INF2: variants seen among roughly 807,000 people sequenced by gnomAD.
INF2 encodes the protein inverted formin 2, also known as inverted formin-2.
INF2 carries 43 observed loss-of-function variants against 123.5 expected under a neutral mutation model. The ratio of observed to expected loss-of-function variants is 0.35; its 90% CI spans 0.27 to 0.45. The LOEUF (loss-of-function observed/expected upper bound fraction) is 0.45. INF2 is among the 20% of genes least tolerant of loss of function. The probability of loss-of-function intolerance (pLI) is 1.00; values close to 1 mark genes in which losing one functional copy is unlikely to be tolerated. For missense variants in INF2, 1,453 were observed against 1,682.7 expected, an observed-to-expected ratio of 0.86 and a Z score of 2.39; for synonymous variants, 851 against 745.0, an observed-to-expected ratio of 1.14 and a Z score of -2.32.
At chr14:104,683,126 C>T (rs73356774) in intron 1 of INF2, among the ~76,000 whole-genome samples, 3,891 of 140,878 alleles carry the variant, frequency 0.028, 2 homozygotes, top group African/African-American at 0.049. Context: ...ACCCAAGGAG[C>T]AGCAAAGGTC....
chr14:104,692,838 C>T (rs975179299), intron 1 of INF2, among the ~76,000 whole-genome samples: 2 of 152,254 alleles, frequency 1.3e-5, no homozygotes, highest in Non-Finnish European at 1.5e-5. Context: ...TTTCCTCTTT[C>T]GCCTGCAGCT....
chr14:104,705,947 C>A, intron 5 of INF2, 88 bp from the exon 6 acceptor site: 1 of 1,522,484 alleles, frequency 6.6e-7, no homozygotes, highest in Non-Finnish European at 8.9e-7. Context: ...CTGAGCGGGG[C>A]TGGTACACTG....
At chr14:104,711,231 C>A (rs369097477) in intron 15 of INF2, 45 bp downstream of exon 15, 2 of 1,477,390 alleles carry the variant, frequency 1.4e-6, no homozygotes, top group East Asian at 4.9e-5. Context: ...TTCAAGTCCC[C>A]CCGGACCTGG....
Position 104,712,866 on chromosome 14 carries a change from T to C in INF2, c.2649T>C (p.Phe883=), listed in dbSNP as rs576821995. 1 of 1,612,626 alleles carries C rather than the reference T, an allele frequency of 6.2e-7. No individual in the cohort carries two copies. The highest frequency in any genetic ancestry group is 2.2e-5 in the East Asian group (1 of 44,880). ...ISAFRALDEL[F]EAIEQKQREL... is the part of the protein sequence containing the mutation. ...CCTTCCGGGCACTGGATGAGCTGTTTGAGGCCATCGAGCAGAAGCAACGGG... is the reference window on the plus strand; with the variant it reads ...CCTTCCGGGCACTGGATGAGCTGTTCGAGGCCATCGAGCAGAAGCAACGGG... The change falls in exon 18 of 23, where the codon TTT becomes TTC. Residue 883 remains phenylalanine, a synonymous_variant. Transcript: ENST00000392634.
chr14:104,715,477 G>T lies in INF2; in HGVS notation c.*1+137G>T, dbSNP rs377292780. ...CGTGGTGCGTCAGTGTGGCCTTGCC[G>T]CTCCCGCAGCCCTGGTGGTGGGCTT... On this transcript the variant is annotated intron_variant, in intron 22 of 22. Coordinates refer to ENST00000392634, the MANE Select transcript of INF2 (RefSeq NM_022489.4). 3 of 826,634 alleles carry T rather than the reference G, an allele frequency of 3.6e-6. No homozygotes were observed. The East Asian group carries it at 7.3e-5, about 20-fold the overall frequency. The allele number at this position is 826,634 out of a possible 1,614,324, so 51.2% of individuals were successfully genotyped here. A position where few individuals can be genotyped will look rare whatever the true frequency, so the allele number is the denominator to read the frequency against.
upstream of INF2, chr14:104,689,587 T>TCCAGCCCCCCC: frequency 5.9e-6 from 5 of 851,068 alleles, no homozygotes; most frequent in Non-Finnish European, 5.6e-6. Context: ...CACCTCCTCT[T>TCCAGCCCCCCC]CCTCCCGCCC....
At position 104,710,959 on chromosome 14, in the gene INF2, G is replaced by T; in HGVS notation, c.2262G>T (p.Leu754=). 6.2e-7 allele frequency: 1 copy of T among 1,612,472 alleles called. No individual in the cohort carries two copies. Among genetic ancestry groups the T allele is most frequent in the Non-Finnish European group, 8.5e-7 (1 of 1,179,774 alleles). Residue 754 remains leucine (L), a synonymous_variant, in exon 14 of 23, where the codon CTG becomes CTT. Coordinates refer to ENST00000392634, the MANE Select transcript of INF2 (RefSeq NM_022489.4). ...CAGGCCTGCTCACCAGCCGCCAGCT[G>T]CCCATCTTCTGCCAGCTGATCCTGA... The part of the protein sequence containing the change: ...ACESLLTSRQ[L]PIFCQLILRI...
chr14:104,688,047 A>T (rs527610081), upstream of INF2, among the ~76,000 whole-genome samples: 3 of 152,348 alleles, frequency 2.0e-5, no homozygotes, highest in East Asian at 5.8e-4. Flanking sequence ...AGCTTGAGGG[A>T]GGGCAGGAAG....
chr14:104,703,685 A>C (rs545995226), intron 4 of INF2, among the ~76,000 whole-genome samples: 2 of 152,332 alleles, frequency 1.3e-5, no homozygotes, highest in Admixed American at 6.5e-5. Context: ...CTGGCCAGGC[A>C]GTGGAGCCGG....
At chr14:104,689,533 C>T (rs1342125231), upstream of INF2, 4 of 799,662 alleles carry the variant, frequency 5.0e-6, no homozygotes, top group Admixed American at 6.2e-5. Flanking sequence ...GCCCCGCCCC[C>T]GGCCCGCGCT....
chr14:104,711,067 T>C lies in INF2; in HGVS notation c.2311-12T>C, dbSNP rs558346235. 146 of 1,603,382 alleles carry C rather than the reference T, an allele frequency of 9.1e-5. No homozygotes were observed. Among genetic ancestry groups the C allele is most frequent in the Middle Eastern group, 1.7e-4 (1 of 6,050 alleles). ...CCAGGGGCTGGTGAGACTCACTCCC[T>C]GCCCCTCCCAGGGCAGCCACACCGG... On this transcript the variant is annotated splice_polypyrimidine_tract_variant and intron_variant, in intron 14 of 22. Transcript: ENST00000392634.
At position 104,689,691 on chromosome 14, in the gene INF2, C is replaced by T; in HGVS notation, c.-58C>T. The T allele has an allele frequency of 3.0e-6, 3 of 984,850 alleles. No homozygotes were observed. The South Asian group carries it at 1.4e-4, about 46-fold the overall frequency. The allele number at this position is 984,850 out of a possible 1,614,324, so 61.0% of individuals were successfully genotyped here. A position where few individuals can be genotyped will look rare whatever the true frequency, so the allele number is the denominator to read the frequency against. On this transcript the variant is annotated 5_prime_UTR_variant, in exon 1 of 23. Coordinates refer to ENST00000392634, the MANE Select transcript of INF2 (RefSeq NM_022489.4). ...CTGCCCGCAGCCCCTGACCCGGCCC[C>T]GGACGGAGCGCCGGCCGCACCACCG...
intron 17 of INF2, 47 bp downstream of exon 17, chr14:104,712,600 T>C (rs772745361): frequency 2.5e-6 from 4 of 1,611,188 alleles, no homozygotes; most frequent in Non-Finnish European, 3.4e-6. Context: ...GCTGCCCTGA[T>C]AGAGTGAGCT....
At chr14:104,704,287 T>C in intron 5 of INF2, 2 of 854,130 alleles carry the variant, frequency 2.3e-6, no homozygotes, top group Non-Finnish European at 3.3e-6. Flanking sequence ...AAGAGGGAAC[T>C]ACAGGGTGGT....
chr14:104,702,968 G>A lies in INF2; in HGVS notation c.392-137G>A, dbSNP rs138590410. 372 of 734,634 alleles carry A rather than the reference G, an allele frequency of 5.1e-4. 2 individuals are homozygous for A. In the East Asian group the frequency reaches 9.9e-3, roughly 20 times the overall value. The allele number at this position is 734,634 out of a possible 1,614,324, so 45.5% of individuals were successfully genotyped here. ...GCACCTCGTTGGGTCCCAGCCCACT[G>A]CTGTGGGCCACAGACAAGTGCCCGG... On this transcript the variant is annotated intron_variant, in intron 2 of 22. Transcript: ENST00000392634.
In INF2 at chr14:104,718,948, T is replaced by C; in HGVS notation, c.*155T>C. On this transcript the variant is annotated 3_prime_UTR_variant, in exon 23 of 23. Coordinates refer to ENST00000392634, the MANE Select transcript of INF2 (RefSeq NM_022489.4). ...CCCAGCCGGGGCCCTCCTGGAGCCT[T>C]CTTGGGGTGTTGTGGCTGGGAACCC... 7.0e-7 allele frequency: 1 copy of C among 1,431,532 alleles called. No individual in the cohort carries two copies. Among genetic ancestry groups the C allele is most frequent in the Non-Finnish European group, 9.1e-7 (1 of 1,095,964 alleles). 88.7% of individuals were successfully genotyped at this position (1,431,532 alleles called of 1,614,324 possible).
In INF2 at chr14:104,715,324, G is replaced by T. The variant is rs767609536; in HGVS notation, c.3735G>T (p.Leu1245=). 6.2e-7 allele frequency: 1 copy of T among 1,612,902 alleles called. No homozygotes were observed. The highest frequency in any genetic ancestry group is 8.5e-7 in the Non-Finnish European group (1 of 1,179,236). Residue 1245 remains leucine (L), a synonymous_variant, in exon 22 of 23, where the codon CTG becomes CTT. Coordinates refer to ENST00000392634, the MANE Select transcript of INF2 (RefSeq NM_022489.4). ...CTGATGATAATAAAACAAAGAAACT[G>T]TGTGTGATCCAGTAAGGTATGTACG... ...PDSDDNKTKK[L]CVIQ
At chr14:104,685,234 C>T (rs1026261967), upstream of INF2, among the ~76,000 whole-genome samples, 4 of 152,204 alleles carry the variant, frequency 2.6e-5, no homozygotes, top group Non-Finnish European at 5.9e-5. Context: ...CTTCTAAGAG[C>T]AGCAGCCTGG....
Position 104,707,893 on chromosome 14 carries a change from G to T in INF2, c.1626G>T (p.Val542=). The change falls in exon 8 of 23, where the codon GTG becomes GTT. Residue 542 remains valine, a synonymous_variant. Coordinates refer to ENST00000392634, the MANE Select transcript of INF2 (RefSeq NM_022489.4). The part of the protein sequence containing the change: ...GGMEEVIVAQ[V]DHGLGSAWVP... ...TGGAGGAGGTCATCGTGGCCCAGGT[G>T]GACCATGGCTTGGGCTCAGCATGGG... The T allele has an allele frequency of 1.2e-6, 2 of 1,605,476 alleles. No individual in the cohort carries two copies. The highest frequency in any genetic ancestry group is 4.5e-5 in the East Asian group (2 of 44,792).
Sources: gnomAD v4.1 joint callset for allele counts (sites outside exome capture counted in the v4.1 genomes callset) on GRCh38, gnomAD v4.1.1 for gene constraint, MANE v1.5 for transcripts, NCBI Gene and HGNC (gene_info 2026-07-23, HGNC 2026-07-21) for gene names.